The following CR1 variants were observed in gnomAD, a reference collection of about 807,000 sequenced individuals.
The protein encoded by CR1 is complement C3b/C4b receptor 1 (Knops blood group), also known as complement receptor type 1.
CR1 carries 116 observed loss-of-function variants against 187.3 expected under a neutral mutation model. That is an observed-to-expected ratio of 0.62 (90% CI 0.53 to 0.72). The LOEUF (loss-of-function observed/expected upper bound fraction) is 0.72. Ranked by LOEUF, CR1 falls within the 30% of genes least tolerant of loss-of-function variation. CR1 has a pLI of 0.00. For synonymous variants in CR1, 576 were observed against 747.1 expected, an observed-to-expected ratio of 0.77 and a Z score of 3.73; for missense variants, 1,731 against 2,110.7, an observed-to-expected ratio of 0.82 and a Z score of 3.52.
At chr1:207,622,705 G>C (rs1416077856) in intron 44 of CR1, among the ~76,000 whole-genome samples, 1 of 152,162 alleles carries the variant, frequency 6.6e-6, no homozygotes, top group Non-Finnish European at 1.5e-5. Context: ...ACATGGGCAG[G>C]GCCATGGAGA....
At position 207,630,581 on chromosome 1, in the gene CR1, G is replaced by A. The variant is rs199592524; in HGVS notation, c.7417G>A (p.Val2473Ile). 6.8e-5 allele frequency: 109 copies of A among 1,610,854 alleles called. No homozygotes were observed. The Admixed American group carries it at 1.3e-3, about 20-fold the overall frequency. The change falls in exon 46 of 47, where the codon GTT (valine) becomes ATT (isoleucine). Residue 2473 changes from valine to isoleucine, a missense_variant. Val to Ile is a conservative substitution (Grantham distance 29, BLOSUM62 3). This residue lies in a region of CR1 where 1,312 missense variants were observed against 1,379.6 expected (regional missense o/e 0.95). Transcript: ENST00000367049. ...TTTACATTCTCAAGGAGGCAGCAGC[G>A]TTCATCCCCGAACTCTGCAAACAAA... ...IHLHSQGGSS[V>I]HPRTLQTNEE...
chr1:207,599,328 A>C (rs1219385394), intron 35 of CR1, among the ~76,000 whole-genome samples: 1 of 152,250 alleles, frequency 6.6e-6, no homozygotes, highest in Non-Finnish European at 1.5e-5. Context: ...CAGTCACATT[A>C]ATAAAAGTTT....
At chr1:207,603,399 C>G (rs752310851) in intron 35 of CR1, among the ~76,000 whole-genome samples, 4 of 152,012 alleles carry the variant, frequency 2.6e-5, no homozygotes, top group Non-Finnish European at 5.9e-5. Context: ...ACCTGATGTC[C>G]CACGTCTGTA....
At chr1:207,580,132 G>C in intron 29 of CR1, 108 bp from the exon 30 acceptor site, 1 of 1,481,800 alleles carries the variant, frequency 6.7e-7, no homozygotes, top group East Asian at 2.3e-5. Flanking sequence ...CCTTGTGCTA[G>C]GGAGAATTGG....
At chr1:207,594,864 T>C (rs777408283) in intron 35 of CR1, among the ~76,000 whole-genome samples, 6 of 152,020 alleles carry the variant, frequency 3.9e-5, no homozygotes, top group African/African-American at 7.2e-5. Flanking sequence ...CAAAACAAAA[T>C]ATCACCAAAT....
chr1:207,496,881 G>A (rs971348956), intron 1 of CR1, among the ~76,000 whole-genome samples: 4 of 152,180 alleles, frequency 2.6e-5, no homozygotes, highest in Non-Finnish European at 4.4e-5. Flanking sequence ...TGCCTCAGTG[G>A]CATTAAGCCT....
chr1:207,628,642 G>T (rs1157420749), intron 45 of CR1, among the ~76,000 whole-genome samples: 1 of 152,170 alleles, frequency 6.6e-6, no homozygotes, highest in Admixed American at 6.5e-5. Context: ...TGAACTCTTT[G>T]TGCTAGTATT....
rs1281844077 is a variant in CR1 at position 207,614,469 on chromosome 1, G to C, written c.6641G>C (p.Ser2214Thr). 5.0e-6 allele frequency: 8 copies of C among 1,611,076 alleles called. No individual in the cohort carries two copies. The highest frequency in any genetic ancestry group is 6.8e-6 in the Non-Finnish European group (8 of 1,177,990). Residue 2214 changes from serine to threonine, a missense_variant, in exon 40 of 47, where the codon AGC (serine) becomes ACC (threonine). By Grantham distance (58) the Ser-to-Thr change is moderately conservative. Around this residue, in one of 5 missense-constraint regions of CR1, gnomAD observed 1,312 missense variants for 1,379.6 expected, o/e 0.95. Transcript: ENST00000367049. ...VLAGMKALWN[S>T]SVPVCEQIFC... is the part of the protein sequence containing the mutation. ...GCTGGAATGAAAGCCCTTTGGAATA[G>C]CAGTGTTCCAGTGTGTGAACGTGAG...
rs1471180085 is a variant in CR1, at chr1:207,619,863, G to A, written c.7067-17G>A. 6.4e-7 allele frequency: 1 copy of A among 1,553,796 alleles called. No homozygotes were observed. The highest frequency in any genetic ancestry group is 8.7e-7 in the Non-Finnish European group (1 of 1,149,304). On this transcript the variant is annotated splice_polypyrimidine_tract_variant and intron_variant, in intron 42 of 46. Coordinates refer to ENST00000367049, the MANE Select transcript of CR1 (RefSeq NM_000651.6). ...AACAATAAAATATCAATTTCTTTCT[G>A]ATTTGTCTAATTTCAGAAGTAAATT... is the stretch of plus-strand genomic sequence containing the variant.
intron 4 of CR1, among the ~76,000 whole-genome samples, chr1:207,520,242 G>T (rs1042844357): frequency 5.9e-5 from 9 of 152,130 alleles, no homozygotes; most frequent in South Asian, 2.1e-4. Flanking sequence ...CCAGATATCT[G>T]CCTTATACAA....
At chr1:207,634,377 G>A (rs1004763965) in intron 46 of CR1, among the ~76,000 whole-genome samples, 3 of 152,076 alleles carry the variant, frequency 2.0e-5, no homozygotes, top group Non-Finnish European at 4.4e-5. Context: ...TGTTCCATGG[G>A]AACAAAGTGA....
In CR1 at chr1:207,504,467, C is replaced by A. The variant is rs554001532; in HGVS notation, c.122-1437C>A. Among the ~76,000 whole-genome samples, 13 of 150,526 alleles carry A rather than the reference C, an allele frequency of 8.6e-5. No individual in the cohort carries two copies. The South Asian group carries it at 2.7e-3, about 32-fold the overall frequency. On this transcript the variant is annotated intron_variant, in intron 1 of 46. Coordinates refer to ENST00000367049, the MANE Select transcript of CR1 (RefSeq NM_000651.6). ...GGACAACATTATAAAAAGAAATAGACAAATGTACAATAAATAAAATATTTT... is the reference window on the plus strand; with the variant it reads ...GGACAACATTATAAAAAGAAATAGAAAAATGTACAATAAATAAAATATTTT...
intron 35 of CR1, among the ~76,000 whole-genome samples, chr1:207,599,511 A>G (rs1481597498): frequency 6.6e-6 from 1 of 152,226 alleles, no homozygotes; most frequent in African/African-American, 2.4e-5. Context: ...AAGGAGTATT[A>G]ATTACAATAG....
chr1:207,584,690 C>T lies in CR1; in HGVS notation c.5344C>T (p.His1782Tyr), dbSNP rs779307539. ...PNPPAILNGR[H>Y]TGTPSGDIPY... The stretch of plus-strand genomic sequence containing the variant: ...TCCTCCAGCTATCCTTAATGGGAGA[C>T]ACACAGGAACTCCCTCTGGAGATAT... Residue 1782 changes from histidine (H) to tyrosine (Y), a missense_variant, in exon 33 of 47, where the codon CAC becomes TAC. Coordinates refer to ENST00000367049, the MANE Select transcript of CR1 (RefSeq NM_000651.6). 5.0e-6 allele frequency: 8 copies of T among 1,613,568 alleles called. No homozygotes were observed. The highest frequency in any genetic ancestry group is 5.9e-6 in the Non-Finnish European group (7 of 1,179,662).
intron 4 of CR1, among the ~76,000 whole-genome samples, chr1:207,519,905 CG>C (rs140735053): frequency 0.016 from 2,506 of 152,228 alleles, 55 homozygotes; most frequent in African/African-American, 0.056. Flanking sequence ...CGGTGATTGG[CG>C]TAAGAGTAGT....
At chr1:207,501,954 T>C (rs1218884486) in intron 1 of CR1, among the ~76,000 whole-genome samples, 1 of 152,132 alleles carries the variant, frequency 6.6e-6, no homozygotes, top group Admixed American at 6.5e-5. Context: ...AGTGCTGTTA[T>C]CTATCAAAAT....
intron 42 of CR1, among the ~76,000 whole-genome samples, chr1:207,619,236 A>C (rs1276625813): frequency 8.6e-5 from 13 of 151,370 alleles, no homozygotes; most frequent in Admixed American, 8.5e-4. Flanking sequence ...TACAAAAATT[A>C]ATCAGGCATG....
chr1:207,608,791 G>A (rs1361535645), intron 36 of CR1, among the ~76,000 whole-genome samples: 1 of 152,144 alleles, frequency 6.6e-6, no homozygotes, highest in African/African-American at 2.4e-5. Context: ...TAGCCAATAT[G>A]TGAATATTAT....
intron 35 of CR1, among the ~76,000 whole-genome samples, chr1:207,599,623 A>G (rs972321813): frequency 6.6e-6 from 1 of 152,234 alleles, no homozygotes; most frequent in African/African-American, 2.4e-5. Flanking sequence ...TCTACTATGA[A>G]CTATTTTGCA....
Sources: gnomAD v4.1 joint callset for allele counts (sites outside exome capture counted in the v4.1 genomes callset) on GRCh38, gnomAD v4.1.1 for gene constraint, gnomAD v4.1.1 regional missense constraint, MANE v1.5 for transcripts, NCBI Gene and HGNC (gene_info 2026-07-23, HGNC 2026-07-21) for gene names.